Variants in SPEG observed in about 807,000 individuals in gnomAD.
SPEG encodes striated muscle preferentially expressed protein kinase.
In SPEG, 114 loss-of-function variants were observed where a neutral mutation model predicts 300.4. The observed-to-expected ratio is 0.38, with a 90% confidence interval of 0.33 to 0.44. The LOEUF (loss-of-function observed/expected upper bound fraction) is 0.44. Among genes scored for constraint, SPEG ranks in the 20% least tolerant of loss-of-function variants. The probability of loss-of-function intolerance (pLI) is 1.00; values close to 1 mark genes in which losing one functional copy is unlikely to be tolerated. For missense variants in SPEG, 4,201 were observed against 4,586.2 expected (o/e 0.92, Z 2.43); for synonymous variants, 1,964 against 2,018.9 (o/e 0.97, Z 0.73).
chr2:219,487,240 G>T lies in SPEG; in HGVS notation c.7742-954G>T, dbSNP rs149380545. 4.7e-4 allele frequency among the ~76,000 whole-genome samples: 71 copies of T among 152,276 alleles called. No individual in the cohort carries two copies. In the East Asian group the frequency reaches 0.012, roughly 26 times the overall value. On this transcript the variant is annotated intron_variant, in intron 31 of 40. Transcript: ENST00000312358. ...GGCTACATTGGAGGAAGGAAAACTG[G>T]TCGCATCCCTAGCCCTGCATGTGCA...
intron 40 of SPEG, 129 bp downstream of exon 40, chr2:219,492,389 C>A: frequency 8.4e-7 from 1 of 1,196,504 alleles, no homozygotes; most frequent in Non-Finnish European, 1.2e-6. Flanking sequence ...GTCATACTAC[C>A]CACCATTTAA....
intron 32 of SPEG, 71 bp from the exon 33 acceptor site, chr2:219,488,427 G>C: frequency 6.6e-7 from 1 of 1,509,534 alleles, no homozygotes; most frequent in Non-Finnish European, 9.0e-7. Flanking sequence ...TGCTGGAGTG[G>C]GGAGTGAGTG....
At chr2:219,471,613 G>T (rs1691880542) in intron 13 of SPEG, 2 of 525,490 alleles carry the variant, frequency 3.8e-6, no homozygotes, top group South Asian at 2.2e-5. Flanking sequence ...TAAGTTGCCT[G>T]GCCTGACACA....
chr2:219,483,815 C>T lies in SPEG; in HGVS notation c.6352C>T (p.Pro2118Ser). 4 of 1,577,780 alleles carry T rather than the reference C, an allele frequency of 2.5e-6. No individual in the cohort carries two copies. Among genetic ancestry groups the T allele is most frequent in the Admixed American group, 3.5e-5 (2 of 56,366 alleles). Residue 2118 changes from proline to serine, a missense_variant, in exon 30 of 41, where the codon CCC becomes TCC. This residue lies in a region of SPEG where 1,578 missense variants were observed against 1,506.0 expected (regional missense o/e 1.05). Transcript: ENST00000312358. Reference sequence around the variant, plus strand: ...CAGCGAGGCAGCGCCCCACCACCAGCCCCCACTCGAGAACCGGGGCCTGCA... The same window carrying T: ...CAGCGAGGCAGCGCCCCACCACCAGTCCCCACTCGAGAACCGGGGCCTGCA... ...ASSEAAPHHQ[P>S]PLENRGLQKS...
In SPEG at chr2:219,445,732, C is replaced by T. The variant is rs1408729385; in HGVS notation, c.815+571C>T. ...GCAAGGGGCCTGTGAAAGCAGGAGGCCATGGGCTGGGGGTGGCAGGGGGCT... is the reference window on the plus strand; with the variant it reads ...GCAAGGGGCCTGTGAAAGCAGGAGGTCATGGGCTGGGGGTGGCAGGGGGCT... On this transcript the variant is annotated intron_variant, in intron 3 of 40. Coordinates refer to ENST00000312358, the MANE Select transcript of SPEG (RefSeq NM_005876.5). The surrounding 1 kb of genome is among the most constrained non-coding windows in gnomAD (Gnocchi z 6.1). The T allele has an allele frequency of 6.5e-6, 1 of 154,342 alleles. No homozygotes were observed. The highest frequency in any genetic ancestry group is 1.4e-5 in the Non-Finnish European group (1 of 69,764). The allele number at this position is 154,342 out of a possible 1,614,324, so 9.6% of individuals were successfully genotyped here. A position where few individuals can be genotyped will look rare whatever the true frequency, so the allele number is the denominator to read the frequency against.
chr2:219,461,407 C>G (rs1690681646), intron 6 of SPEG: 1 of 1,008,708 alleles, frequency 9.9e-7, no homozygotes. Context: ...TGTGACTTGT[C>G]TGCGGTGTGT....
chr2:219,489,144 G>A lies in SPEG; in HGVS notation c.8240G>A (p.Arg2747His), dbSNP rs1212797507. The change falls in exon 35 of 41, where the codon CGT becomes CAT. Residue 2747 changes from arginine (R) to histidine (H), a missense_variant. Physicochemically the swap from Arg to His is conservative, Grantham distance 29. Transcript: ENST00000312358. ...CCAGTTGGCGTGACTGTGAGGTTCC[G>A]TGTGGCCTGTGCCAACCGTGCTGGG... ...HLPVGVTVRFRVACANRAGQG... is the reference protein window; with the variant it reads ...HLPVGVTVRFHVACANRAGQG... 4.3e-6 allele frequency: 7 copies of A among 1,613,854 alleles called. No homozygotes were observed. The highest frequency in any genetic ancestry group is 1.3e-5 in the African/African-American group (1 of 74,866).
At chr2:219,462,790 T>G (rs905006884) in intron 8 of SPEG, among the ~76,000 whole-genome samples, 1 of 152,174 alleles carries the variant, frequency 6.6e-6, no homozygotes, top group Non-Finnish European at 1.5e-5. Flanking sequence ...TGGTGGTGCA[T>G]GCTTGTAATC....
chr2:219,486,929 A>T (rs548465534), intron 31 of SPEG, among the ~76,000 whole-genome samples: 2 of 152,202 alleles, frequency 1.3e-5, no homozygotes, highest in South Asian at 4.1e-4. Context: ...AGTGGGGTAC[A>T]GCGGGAAGGG....
intron 9 of SPEG, chr2:219,465,931 GTGCGTGCA>G (rs1691279634): frequency 1.1e-5 from 7 of 628,626 alleles, no homozygotes; most frequent in African/African-American, 5.7e-5. Context: ...GTGCGCGCGT[GTGCGTGCA>G]CGTGTGCGTG....
At position 219,484,568 on chromosome 2, in the gene SPEG, G is replaced by T; in HGVS notation, c.7105G>T (p.Glu2369Ter). 6.3e-7 allele frequency: 1 copy of T among 1,586,396 alleles called. No individual in the cohort carries two copies. Residue 2369 changes from glutamate (E) to a stop codon, truncating the protein, a stop_gained, in exon 30 of 41, where the codon GAG (glutamate) becomes TAG (stop). Transcript: ENST00000312358. LOFTEE classifies it high-confidence loss of function. ...ERGPFRGAEE[E>*]DGIYRPSPAG... ...CGGCCCCTTCCGTGGGGCCGAGGAG[G>T]AGGATGGCATATACCGGCCCAGCCC...
At chr2:219,472,435 G>C (rs1691966685) in intron 15 of SPEG, 104 bp downstream of exon 15, 3 of 977,350 alleles carry the variant, frequency 3.1e-6, no homozygotes, top group Admixed American at 4.3e-5. Flanking sequence ...ATGGGCAGGG[G>C]CAGGAGCTGA....
chr2:219,474,710 C>T (rs536392281), intron 18 of SPEG, among the ~76,000 whole-genome samples: 3 of 152,044 alleles, frequency 2.0e-5, no homozygotes, highest in African/African-American at 4.8e-5. Flanking sequence ...ATCTTATCAC[C>T]GAACTGCCAG....
rs375623889 is a variant in SPEG, at chr2:219,482,800, C to A, written c.5582C>A (p.Ala1861Glu). 6.2e-6 allele frequency: 10 copies of A among 1,613,718 alleles called. No homozygotes were observed. Among genetic ancestry groups the A allele is most frequent in the Non-Finnish European group, 8.5e-6 (10 of 1,179,906 alleles). Residue 1861 changes from alanine to glutamate, a missense_variant, in exon 29 of 41, where the codon GCA (alanine) becomes GAA (glutamate). Around this residue, in one of 4 missense-constraint regions of SPEG, gnomAD observed 1,578 missense variants for 1,506.0 expected, o/e 1.05. Coordinates refer to ENST00000312358, the MANE Select transcript of SPEG (RefSeq NM_005876.5). ...GGTTTGCAGACTCAGGCAAAGGGCG[C>A]AGAGGTGAGCACGGATCACCTGAAG... ...HPWFKTQAKG[A>E]EVSTDHLKLF...
At chr2:219,476,330 C>G (rs546410638) in intron 18 of SPEG, among the ~76,000 whole-genome samples, 1 of 152,326 alleles carries the variant, frequency 6.6e-6, no homozygotes, top group African/African-American at 2.4e-5. Context: ...AAGGTAGAGG[C>G]AATGCCATCC....
Position 219,448,727 on chromosome 2 carries a change from T to C in SPEG, c.1569T>C (p.Arg523=). 1 of 1,489,890 alleles carries C rather than the reference T, an allele frequency of 6.7e-7. No individual in the cohort carries two copies. The allele number at this position is 1,489,890 out of a possible 1,614,324, so 92.3% of individuals were successfully genotyped here. A position where few individuals can be genotyped will look rare whatever the true frequency, so the allele number is the denominator to read the frequency against. The stretch of plus-strand genomic sequence containing the variant: ...AGTCCCTGCGCGCCACGCTGCAGCG[T>C]GCCCCATCCCCTCGAGAGCCCGGCG... ...SHESLRATLQ[R]APSPREPGEP... is the part of the protein sequence containing the mutation. Residue 523 remains arginine (R), a synonymous_variant, in exon 4 of 41, where the codon CGT becomes CGC. Transcript: ENST00000312358.
rs941385707 is a variant in SPEG at position 219,464,154 on chromosome 2, T to C, written c.2706-279T>C. Among the ~76,000 whole-genome samples, 5 of 149,304 alleles carry C rather than the reference T, an allele frequency of 3.3e-5. No individual in the cohort carries two copies. The highest frequency in any genetic ancestry group is 5.9e-5 in the Non-Finnish European group (4 of 67,428). On this transcript the variant is annotated intron_variant, in intron 8 of 40. Coordinates refer to ENST00000312358, the MANE Select transcript of SPEG (RefSeq NM_005876.5). The surrounding 1 kb of genome is among the most constrained non-coding windows in gnomAD (Gnocchi z 4.5). ...AAAAAAAAAGACAAGAAAAAAGAGC[T>C]AAATAGCACGGCTCCACTCTGAATG...
At position 219,477,979 on chromosome 2, in the gene SPEG, G is replaced by A. The variant is rs777031721; in HGVS notation, c.4901G>A (p.Ser1634Asn). ...GLEFAAKFIP[S>N]QAKPKASARR... ...GAGTTTGCGGCCAAGTTCATCCCCAGCCAGGCCAAGCCAAAGGCATCAGCG... is the reference window on the plus strand; with the variant it reads ...GAGTTTGCGGCCAAGTTCATCCCCAACCAGGCCAAGCCAAAGGCATCAGCG... Residue 1634 changes from serine (S) to asparagine (N), a missense_variant, in exon 22 of 41, where the codon AGC becomes AAC. Ser to Asn is a conservative substitution (Grantham distance 46). Transcript: ENST00000312358. This position sits in a 1 kb window ranked among gnomAD's most constrained non-coding sequence, Gnocchi z 6.4. 8.7e-6 allele frequency: 14 copies of A among 1,614,092 alleles called. No homozygotes were observed. The highest frequency in any genetic ancestry group is 1.1e-5 in the Non-Finnish European group (13 of 1,180,050).
intron 9 of SPEG, chr2:219,466,476 G>C (rs1691371523): frequency 8.5e-7 from 1 of 1,171,042 alleles, no homozygotes; most frequent in African/African-American, 1.6e-5. Flanking sequence ...CTGAGGTGGG[G>C]TGAGACAGAG....
Sources: gnomAD v4.1 joint callset for allele counts (sites outside exome capture counted in the v4.1 genomes callset) on GRCh38, gnomAD v4.1.1 for gene constraint, gnomAD v4.1.1 regional missense constraint, Gnocchi (gnomAD v3.1) non-coding constraint, MANE v1.5 for transcripts, NCBI Gene and HGNC (gene_info 2026-07-23, HGNC 2026-07-21) for gene names.